The following CCDC102B variants were observed in gnomAD, a reference collection of about 807,000 sequenced individuals.
CCDC102B encodes coiled-coil domain containing 102B, also known as coiled-coil domain-containing protein 102B.
A neutral mutation model predicts 57.4 loss-of-function variants in CCDC102B; 75 were observed. The ratio of observed to expected loss-of-function variants is 1.31; its 90% CI spans 1.08 to 1.58. The LOEUF (loss-of-function observed/expected upper bound fraction) is 1.58. Ranked by LOEUF, CCDC102B falls within the 40% of genes most tolerant of loss-of-function variation. The probability of loss-of-function intolerance (pLI) is 0.00; values close to 1 mark genes in which losing one functional copy is unlikely to be tolerated. For synonymous variants in CCDC102B, 206 were observed against 201.9 expected (o/e 1.02, Z -0.17); for missense variants, 636 against 582.6 (o/e 1.09, Z -0.94).
chr18:69,027,954 A>G (rs1465550221), intron 7 of CCDC102B, among the ~76,000 whole-genome samples: 1 of 152,208 alleles, frequency 6.6e-6, no homozygotes, highest in Non-Finnish European at 1.5e-5. Context: ...ACTGTGTCCC[A>G]GGTCCTCAAT....
At chr18:68,748,412 A>G (rs2033714913) in intron 2 of CCDC102B, among the ~76,000 whole-genome samples, 1 of 152,186 alleles carries the variant, frequency 6.6e-6, no homozygotes. Flanking sequence ...ATGAGCAAAC[A>G]GGATGAGTGC....
intron 2 of CCDC102B, chr18:68,734,591 C>A (rs1026154852): frequency 6.6e-6 from 1 of 152,184 alleles, no homozygotes; most frequent in Non-Finnish European, 1.5e-5. Flanking sequence ...AGATTTGAAG[C>A]AATGCCTGCT....
intron 7 of CCDC102B, among the ~76,000 whole-genome samples, chr18:69,020,345 A>G (rs1274764588): frequency 6.6e-6 from 1 of 152,174 alleles, no homozygotes; most frequent in Non-Finnish European, 1.5e-5. Context: ...TGTCATCTTC[A>G]TTGAACTAAG....
At chr18:68,723,091 C>T (rs1186788256) in intron 2 of CCDC102B, among the ~76,000 whole-genome samples, 1 of 152,008 alleles carries the variant, frequency 6.6e-6, no homozygotes, top group Non-Finnish European at 1.5e-5. Context: ...TGGAAGGCAC[C>T]TCTTCACAGG....
intron 4 of CCDC102B, among the ~76,000 whole-genome samples, chr18:68,874,212 G>GTGTA (rs1235797400): frequency 1.7e-3 from 201 of 120,652 alleles, no homozygotes; most frequent in African/African-American, 5.9e-3. Flanking sequence ...GTGTGTGTGT[G>GTGTA]TATATATATA....
At chr18:68,759,916 G>A (rs907094460) in intron 2 of CCDC102B, among the ~76,000 whole-genome samples, 3 of 151,992 alleles carry the variant, frequency 2.0e-5, no homozygotes, top group Non-Finnish European at 2.9e-5. Context: ...GAAGAAAACT[G>A]CTTTGTTTGG....
At chr18:69,039,889 T>G (rs73967778) in intron 7 of CCDC102B, among the ~76,000 whole-genome samples, 11,339 of 151,940 alleles carry the variant, frequency 0.075, 679 homozygotes, top group African/African-American at 0.16. Context: ...CTATATGTTA[T>G]GTAATGTAAT....
At chr18:68,718,107 A>G (rs2032126049) in intron 2 of CCDC102B, 1 of 152,304 alleles carries the variant, frequency 6.6e-6, no homozygotes, top group Non-Finnish European at 1.5e-5. Flanking sequence ...CCAGAACTTT[A>G]AGAAATAAAT....
At position 68,789,074 on chromosome 18, in the gene CCDC102B, C is replaced by T. The variant is rs932203420; in HGVS notation, c.-66-34292C>T. 5.3e-5 allele frequency among the ~76,000 whole-genome samples: 8 copies of T among 152,104 alleles called. 1 individual carries two copies. Among genetic ancestry groups the T allele is most frequent in the African/African-American group, 1.9e-4 (8 of 41,416 alleles). On this transcript the variant is annotated intron_variant, in intron 2 of 3. Coordinates refer to the CCDC102B transcript ENST00000578970. ...TGCTTATCTGTAAAGTATTTTATTT[C>T]TCCTTCGCTTATGAAGCTTAGTTTG...
chr18:68,742,276 G>T (rs2033425433), intron 2 of CCDC102B, among the ~76,000 whole-genome samples: 1 of 152,036 alleles, frequency 6.6e-6, no homozygotes, highest in African/African-American at 2.4e-5. Flanking sequence ...GCCTCATCAT[G>T]GTCTCCTTGT....
chr18:68,733,716 C>T (rs969747640), intron 2 of CCDC102B, among the ~76,000 whole-genome samples: 10 of 151,814 alleles, frequency 6.6e-5, no homozygotes, highest in Non-Finnish European at 1.5e-4. Flanking sequence ...GAGAATTTAC[C>T]TAAGAGGACT....
intron 6 of CCDC102B, among the ~76,000 whole-genome samples, chr18:68,964,862 G>A (rs553125440): frequency 3.6e-4 from 55 of 151,900 alleles, no homozygotes; most frequent in Non-Finnish European, 6.0e-4. Context: ...ATTGAATTCT[G>A]AACTGACATT....
At chr18:68,723,661 C>T (rs1230590575) in intron 2 of CCDC102B, among the ~76,000 whole-genome samples, 1 of 152,202 alleles carries the variant, frequency 6.6e-6, no homozygotes, top group Non-Finnish European at 1.5e-5. Context: ...ACATCCAGGG[C>T]ACACTGATGC....
intron 3 of CCDC102B, among the ~76,000 whole-genome samples, chr18:68,844,558 T>G (rs2037774846): frequency 6.6e-6 from 1 of 151,810 alleles, no homozygotes. Flanking sequence ...TTATTATAAT[T>G]TTCAATGTAA....
chr18:68,932,612 A>G (rs1428444807), intron 6 of CCDC102B, among the ~76,000 whole-genome samples: 1 of 151,928 alleles, frequency 6.6e-6, no homozygotes, highest in Non-Finnish European at 1.5e-5. Context: ...CTAGAGATTA[A>G]TTATTCTACC....
chr18:68,867,482 G>C (rs2039045061), intron 4 of CCDC102B, among the ~76,000 whole-genome samples: 1 of 152,152 alleles, frequency 6.6e-6, no homozygotes, highest in African/African-American at 2.4e-5. Flanking sequence ...CTGGGGGCTG[G>C]GGGTGAGACT....
intron 6 of CCDC102B, among the ~76,000 whole-genome samples, chr18:69,008,732 G>A (rs370905453): frequency 1.3e-4 from 20 of 152,090 alleles, no homozygotes; most frequent in Admixed American, 7.2e-4. Context: ...TCTGGACTTC[G>A]GAATGCTGGG....
chr18:68,917,850 A>C (rs1444913886), intron 6 of CCDC102B, among the ~76,000 whole-genome samples: 1 of 152,164 alleles, frequency 6.6e-6, no homozygotes, highest in East Asian at 1.9e-4. Context: ...TTTTCAATTC[A>C]CCATAGCAAT....
intron 6 of CCDC102B, among the ~76,000 whole-genome samples, chr18:68,954,733 A>G (rs1015514174): frequency 4.7e-4 from 72 of 152,188 alleles, no homozygotes; most frequent in African/African-American, 1.7e-3. Context: ...CTTCTAGAGC[A>G]TTATTTCAAT....
Sources: allele counts gnomAD v4.1 joint callset (sites outside exome capture counted in the v4.1 genomes callset), GRCh38; gene constraint gnomAD v4.1.1; transcripts MANE v1.5; gene names NCBI Gene and HGNC (gene_info 2026-07-23, HGNC 2026-07-21).